Variants in HACD4 observed in about 807,000 individuals in gnomAD.
The protein encoded by HACD4 is 3-hydroxyacyl-CoA dehydratase 4, also known as very-long-chain (3R)-3-hydroxyacyl-CoA dehydratase 4.
Under a neutral mutation model 33.3 loss-of-function variants are expected in HACD4, and 35 were observed. The ratio of observed to expected loss-of-function variants is 1.05; its 90% CI spans 0.80 to 1.39. HACD4 has a LOEUF of 1.39. Among genes scored for constraint, HACD4 ranks in the 40% most tolerant of loss-of-function variants. The pLI, the probability that HACD4 is intolerant of heterozygous loss-of-function variation, is 0.00. For synonymous variants in HACD4, 118 were observed against 98.0 expected, an observed-to-expected ratio of 1.20 and a Z score of -1.21; for missense variants, 323 against 276.5, an observed-to-expected ratio of 1.17 and a Z score of -1.19.
Position 21,020,468 on chromosome 9 carries a change from AAC to A in HACD4, c.271-4460_271-4459del, listed in dbSNP as rs142916965. ...TCCTCCTCAGGCTTCTGTACAAGCA[AAC>A]TGAACAAAGCCCCTTAAAATCAACA... On this transcript the variant is annotated intron_variant, in intron 3 of 6. Transcript: ENST00000495827. Among the ~76,000 whole-genome samples the A allele has an allele frequency of 3.6e-3, 555 of 152,298 alleles. 22 individuals carry two copies. The East Asian group carries it at 0.079, about 22-fold the overall frequency.
chr9:21,027,909 C>T (rs138760964), intron 2 of HACD4, among the ~76,000 whole-genome samples: 1,879 of 152,094 alleles, frequency 0.012, 36 homozygotes, highest in African/African-American at 0.04. Flanking sequence ...CTGAGGCAGG[C>T]GGATCACCTT....
chr9:21,028,392 A>G lies in HACD4; in HGVS notation c.142+903T>C, dbSNP rs181570043. 1.1e-4 allele frequency among the ~76,000 whole-genome samples: 17 copies of G among 152,266 alleles called. No individual in the cohort carries two copies. The East Asian group carries it at 3.3e-3, about 29-fold the overall frequency. On this transcript the variant is annotated intron_variant, in intron 2 of 6. Coordinates refer to ENST00000495827, the MANE Select transcript of HACD4 (RefSeq NM_001010915.5). ...TTTCCTGTGCTTGAAAACTCTCAAC[A>G]TTTGTAGTTGAAACTCAAGCTTTAG... is the stretch of plus-strand genomic sequence containing the variant.
intron 4 of HACD4, chr9:21,015,584 C>T (rs562562144): frequency 3.1e-4 from 61 of 194,104 alleles, no homozygotes; most frequent in East Asian, 6.3e-4. Context: ...TTAAAGCAAC[C>T]GTACTAAAGC....
At chr9:21,028,183 GA>G (rs1339432830) in intron 2 of HACD4, among the ~76,000 whole-genome samples, 4 of 145,618 alleles carry the variant, frequency 2.7e-5, no homozygotes, top group African/African-American at 7.6e-5. Context: ...AGAAAGAAAA[GA>G]AAAAGAAATA....
At position 21,014,947 on chromosome 9, in the gene HACD4, A is replaced by G. The variant is rs1006683392; in HGVS notation, c.383+951T>C. On this transcript the variant is annotated intron_variant, in intron 4 of 6. Coordinates refer to ENST00000495827, the MANE Select transcript of HACD4 (RefSeq NM_001010915.5). Reference sequence around the variant, plus strand: ...TAAGCATAGCCAAGAGTAACATACTAGAAAGCTTCAATCCCAAATGATGTT... The same window carrying G: ...TAAGCATAGCCAAGAGTAACATACTGGAAAGCTTCAATCCCAAATGATGTT... Among the ~76,000 whole-genome samples the G allele has an allele frequency of 7.2e-5, 11 of 152,202 alleles. No homozygotes were observed. In the East Asian group the frequency reaches 1.3e-3, roughly 19 times the overall value.
chr9:21,003,593 G>GT lies in HACD4; in HGVS notation c.*3443dup, dbSNP rs1438300255. On this transcript the variant is annotated 3_prime_UTR_variant, in exon 7 of 7. Coordinates refer to ENST00000495827, the MANE Select transcript of HACD4 (RefSeq NM_001010915.5). ...AATACTCAATTGTTTCTTTCCAAAT[G>GT]TTTTCTTTAGTGGAAATAAGTTACC... 1 of 151,904 alleles carries GT rather than the reference G, an allele frequency of 6.6e-6. No individual in the cohort carries two copies. The highest frequency in any genetic ancestry group is 1.5e-5 in the Non-Finnish European group (1 of 67,940). 9.4% of individuals were successfully genotyped at this position (151,904 alleles called of 1,614,324 possible). A position where few individuals can be genotyped will look rare whatever the true frequency, so the allele number is the denominator to read the frequency against.
intron 5 of HACD4, 121 bp from the exon 6 acceptor site, chr9:21,008,267 C>A (rs1270743103): frequency 6.7e-6 from 6 of 896,638 alleles, no homozygotes; most frequent in Non-Finnish European, 9.6e-6. Flanking sequence ...GTAATAGTTG[C>A]TGAATCTTTT....
intron 1 of HACD4, among the ~76,000 whole-genome samples, chr9:21,031,090 C>G (rs1818202302): frequency 6.6e-6 from 1 of 152,186 alleles, no homozygotes; most frequent in African/African-American, 2.4e-5. Context: ...TCAGAATTAC[C>G]TGGCTTGTGG....
intron 4 of HACD4, among the ~76,000 whole-genome samples, chr9:21,014,572 G>T (rs757795771): frequency 6.6e-6 from 1 of 152,136 alleles, no homozygotes; most frequent in Non-Finnish European, 1.5e-5. Context: ...GGAGAGGGGA[G>T]TGACTGCTAC....
chr9:21,021,869 G>GA (rs1462728815), intron 3 of HACD4, among the ~76,000 whole-genome samples: 1 of 152,052 alleles, frequency 6.6e-6, no homozygotes, highest in African/African-American at 2.4e-5. Context: ...CACGGAACTG[G>GA]AAAAAACTAC....
chr9:21,012,961 G>T (rs563731643), intron 4 of HACD4, among the ~76,000 whole-genome samples: 7 of 152,040 alleles, frequency 4.6e-5, no homozygotes, highest in African/African-American at 1.7e-4. Flanking sequence ...CAGCTACTCA[G>T]GAGGCTGAGA....
At position 21,014,571 on chromosome 9, in the gene HACD4, A is replaced by C. The variant is rs113630141; in HGVS notation, c.383+1327T>G. 6.5e-3 allele frequency among the ~76,000 whole-genome samples: 989 copies of C among 152,194 alleles called. 12 individuals carry two copies. The highest frequency in any genetic ancestry group is 0.023 in the African/African-American group (947 of 41,540). On this transcript the variant is annotated intron_variant, in intron 4 of 6. Coordinates refer to ENST00000495827, the MANE Select transcript of HACD4 (RefSeq NM_001010915.5). ...GGGCTGAGGGAAAGAGGGAGAGGGG[A>C]GTGACTGCTACTGGGTATAAGGTTT... is the stretch of plus-strand genomic sequence containing the variant.
At chr9:21,031,476 C>T in intron 1 of HACD4, 77 bp downstream of exon 1, 2 of 1,369,536 alleles carry the variant, frequency 1.5e-6, no homozygotes, top group Non-Finnish European at 9.3e-7. Context: ...GCCCGCCCGC[C>T]CGCCGCAGAG....
Position 21,003,987 on chromosome 9 carries a change from C to T in HACD4, c.*3050G>A, listed in dbSNP as rs1842210473. 6.6e-6 allele frequency: 1 copy of T among 152,000 alleles called. No individual in the cohort carries two copies. The highest frequency in any genetic ancestry group is 2.1e-4 in the South Asian group (1 of 4,820). The allele number at this position is 152,000 out of a possible 1,614,324, so 9.4% of individuals were successfully genotyped here. A position where few individuals can be genotyped will look rare whatever the true frequency, so the allele number is the denominator to read the frequency against. On this transcript the variant is annotated 3_prime_UTR_variant, in exon 7 of 7. Coordinates refer to ENST00000495827, the MANE Select transcript of HACD4 (RefSeq NM_001010915.5). ...GAATGGGGCATCATTTGTGTATTTG[C>T]TAAAGGTTTACTATTTTCATTAGGG...
rs1818227861 is a variant in HACD4, at chr9:21,031,618, C to T, written c.-28G>A. The T allele has an allele frequency of 1.4e-6, 2 of 1,410,832 alleles. No homozygotes were observed. Among genetic ancestry groups the T allele is most frequent in the Non-Finnish European group, 1.8e-6 (2 of 1,088,814 alleles). The allele number at this position is 1,410,832 out of a possible 1,614,324, so 87.4% of individuals were successfully genotyped here. On this transcript the variant is annotated 5_prime_UTR_variant, in exon 1 of 7. Transcript: ENST00000495827. Reference sequence around the variant, plus strand: ...GCCGCCGCCGCCAGGGCTTCCAGCGCGGTCCAGGAAGGAGTACCGGGGAGG... The same window carrying T: ...GCCGCCGCCGCCAGGGCTTCCAGCGTGGTCCAGGAAGGAGTACCGGGGAGG...
chr9:21,013,657 G>C (rs1042789614), intron 4 of HACD4, among the ~76,000 whole-genome samples: 2 of 152,056 alleles, frequency 1.3e-5, no homozygotes, highest in Non-Finnish European at 2.9e-5. Context: ...CATTTATTTA[G>C]CTCTTTAATT....
Position 21,005,778 on chromosome 9 carries a change from G to C in HACD4, c.*1259C>G, listed in dbSNP as rs923025628. On this transcript the variant is annotated 3_prime_UTR_variant, in exon 7 of 7. Transcript: ENST00000495827. This position sits in a 1 kb window ranked among gnomAD's most constrained non-coding sequence, Gnocchi z 4.0. ...TGAAGCCAGAGTATCAGGCCAAAGA[G>C]GATTATTACTAAGACTGAAGATCTC... is the stretch of plus-strand genomic sequence containing the variant. 1 of 152,190 alleles carries C rather than the reference G, an allele frequency of 6.6e-6. No individual in the cohort carries two copies. Among genetic ancestry groups the C allele is most frequent in the Non-Finnish European group, 1.5e-5 (1 of 68,066 alleles). 9.4% of individuals were successfully genotyped at this position (152,190 alleles called of 1,614,324 possible).
At chr9:21,013,062 ATC>A (rs1842474148) in intron 4 of HACD4, among the ~76,000 whole-genome samples, 1 of 143,218 alleles carries the variant, frequency 7.0e-6, no homozygotes, top group South Asian at 2.2e-4. Flanking sequence ...GCAAGACTCC[ATC>A]TCAAAAAAAA....
intron 3 of HACD4, among the ~76,000 whole-genome samples, chr9:21,025,548 C>G (rs1818040611): frequency 6.6e-6 from 1 of 152,106 alleles, no homozygotes; most frequent in Non-Finnish European, 1.5e-5. Flanking sequence ...ATGTAGATAC[C>G]TATTTCTGTA....
Sources: allele counts gnomAD v4.1 joint callset (sites outside exome capture counted in the v4.1 genomes callset), GRCh38; gene constraint gnomAD v4.1.1; non-coding constraint Gnocchi (gnomAD v3.1); transcripts MANE v1.5; gene names NCBI Gene and HGNC (gene_info 2026-07-23, HGNC 2026-07-21).